Variants in CTNNA1 observed in about 807,000 individuals in gnomAD.
CTNNA1 encodes the protein catenin alpha 1, also known as catenin alpha-1.
Under a neutral mutation model 98.4 loss-of-function variants are expected in CTNNA1, and 37 were observed. That is an observed-to-expected ratio of 0.38 (90% CI 0.29 to 0.49). CTNNA1 has a LOEUF of 0.49. Ranked by LOEUF, CTNNA1 falls within the 20% of genes least tolerant of loss-of-function variation. CTNNA1 has a pLI of 0.95. For synonymous variants in CTNNA1, 404 were observed against 413.2 expected (o/e 0.98, Z 0.27); for missense variants, 761 against 1,147.2 (o/e 0.66, Z 4.86).
intron 10 of CTNNA1, among the ~76,000 whole-genome samples, chr5:138,912,067 T>C (rs1760756210): frequency 6.6e-6 from 1 of 152,024 alleles, no homozygotes; most frequent in Non-Finnish European, 1.5e-5. Context: ...AGGGCAGAGG[T>C]CTGAACAGGA....
At chr5:138,765,230 G>T (rs1752800145) in intron 1 of CTNNA1, among the ~76,000 whole-genome samples, 1 of 152,090 alleles carries the variant, frequency 6.6e-6, no homozygotes, top group Non-Finnish European at 1.5e-5. Context: ...TAGTAGAGAT[G>T]GGGTTTCACC....
chr5:138,909,953 G>A (rs114334575), intron 10 of CTNNA1, among the ~76,000 whole-genome samples: 27 of 152,314 alleles, frequency 1.8e-4, no homozygotes, highest in African/African-American at 6.0e-4. Flanking sequence ...GGGACCATCT[G>A]TCTTTGAATC....
rs541440785 is a variant in CTNNA1 at position 138,793,884 on chromosome 5, A to G, written c.301+10512A>G. 2.6e-4 allele frequency among the ~76,000 whole-genome samples: 39 copies of G among 152,218 alleles called. No individual in the cohort carries two copies. The South Asian group carries it at 7.3e-3, about 28-fold the overall frequency. On this transcript the variant is annotated intron_variant, in intron 3 of 17. Coordinates refer to ENST00000302763, the MANE Select transcript of CTNNA1 (RefSeq NM_001903.5). ...CTGTCAACTGGAAAAAGAAATTTCA[A>G]AGCTTCTTTCCTTACCCTCAGGGGA...
At chr5:138,783,113 C>A in intron 2 of CTNNA1, 64 bp from the exon 3 acceptor site, 1 of 1,287,360 alleles carries the variant, frequency 7.8e-7, no homozygotes, top group Non-Finnish European at 1.1e-6. Flanking sequence ...ATCTTGCTGT[C>A]TTTAAAGATA....
At position 138,836,881 on chromosome 5, in the gene CTNNA1, A is replaced by G. The variant is rs111500216; in HGVS notation, c.1062+9163A>G. 7.7e-4 allele frequency among the ~76,000 whole-genome samples: 117 copies of G among 152,244 alleles called. 1 individual carries two copies. The highest frequency in any genetic ancestry group is 2.6e-3 in the African/African-American group (110 of 41,556). ...GCTGGTGGGGCGATGGGCACTATAA[A>G]TTTTCTTTGATATTTTTTCCCACAT... is the stretch of plus-strand genomic sequence containing the variant. On this transcript the variant is annotated intron_variant, in intron 7 of 17. Transcript: ENST00000302763.
At chr5:138,776,602 C>T (rs1213428545) in intron 1 of CTNNA1, among the ~76,000 whole-genome samples, 2 of 152,160 alleles carry the variant, frequency 1.3e-5, no homozygotes, top group South Asian at 2.1e-4. Context: ...AGGGGTTCCT[C>T]ACTTCCCAGT....
intron 7 of CTNNA1, among the ~76,000 whole-genome samples, chr5:138,852,873 A>ACACACACACGCGCGCGCGCACC (rs1561595166): frequency 7.9e-6 from 1 of 126,232 alleles, no homozygotes; most frequent in Admixed American, 7.9e-5. Flanking sequence ...GCGCGCGCGC[A>ACACACACACGCGCGCGCGCACC]CACACACATT....
At chr5:138,760,393 A>G (rs1470099415) in intron 1 of CTNNA1, among the ~76,000 whole-genome samples, 1 of 145,824 alleles carries the variant, frequency 6.9e-6, no homozygotes, top group East Asian at 2.1e-4. Flanking sequence ...GAGGGGACAG[A>G]GTCTCTGTTG....
intron 1 of CTNNA1, among the ~76,000 whole-genome samples, chr5:138,770,660 CAG>C (rs1310827436): frequency 6.6e-6 from 1 of 152,148 alleles, no homozygotes; most frequent in African/African-American, 2.4e-5. Flanking sequence ...GTTGTCAAGA[CAG>C]AAAGACCTCG....
chr5:138,885,725 G>A (rs189945845), intron 7 of CTNNA1, among the ~76,000 whole-genome samples: 16 of 152,214 alleles, frequency 1.1e-4, no homozygotes, highest in African/African-American at 3.9e-4. Context: ...TATTAGCTCT[G>A]ACCTATCAGG....
intron 13 of CTNNA1, among the ~76,000 whole-genome samples, chr5:138,928,186 G>A (rs1764535525): frequency 6.6e-6 from 1 of 152,218 alleles, no homozygotes; most frequent in Non-Finnish European, 1.5e-5. Context: ...GCTGGGCTGA[G>A]CGCCAACCCC....
At chr5:138,815,771 T>G (rs1176877884) in intron 5 of CTNNA1, among the ~76,000 whole-genome samples, 1 of 152,118 alleles carries the variant, frequency 6.6e-6, no homozygotes, top group Non-Finnish European at 1.5e-5. Context: ...TAGTTTTCCT[T>G]GGGCCTAAGT....
At chr5:138,805,772 A>G (rs908128019) in intron 3 of CTNNA1, among the ~76,000 whole-genome samples, 4 of 151,610 alleles carry the variant, frequency 2.6e-5, no homozygotes, top group African/African-American at 9.7e-5. Flanking sequence ...ATTATTTAGT[A>G]TAAGAGTTCT....
chr5:138,854,916 T>G (rs1361597852), intron 7 of CTNNA1, among the ~76,000 whole-genome samples: 1 of 152,220 alleles, frequency 6.6e-6, no homozygotes, highest in African/African-American at 2.4e-5. Context: ...TGAGTACCCA[T>G]TATAACCATT....
chr5:138,927,791 T>C (rs1242404691), intron 13 of CTNNA1, among the ~76,000 whole-genome samples: 3 of 152,058 alleles, frequency 2.0e-5, no homozygotes, highest in African/African-American at 7.2e-5. Flanking sequence ...GGGTCTGCGA[T>C]GGGGTGCTGG....
chr5:138,894,429 A>T (rs986211454), intron 9 of CTNNA1, among the ~76,000 whole-genome samples: 1 of 150,634 alleles, frequency 6.6e-6, no homozygotes, highest in Admixed American at 6.6e-5. Flanking sequence ...CCACAGGTGC[A>T]CCACCATGCC....
rs1244907996 is a variant in CTNNA1, at chr5:138,873,309, T to C, written c.1063-12903T>C. 1.9e-6 allele frequency: 3 copies of C among 1,614,032 alleles called. No individual in the cohort carries two copies. The South Asian group carries it at 3.3e-5, about 18-fold the overall frequency. On this transcript the variant is annotated intron_variant, in intron 7 of 17. Transcript: ENST00000302763. This position sits in a 1 kb window ranked among gnomAD's most constrained non-coding sequence, Gnocchi z 6.1. The stretch of plus-strand genomic sequence containing the variant: ...CCCGTAATTACCCGCTGAGTGAAGA[T>C]GGCATTGTCTGGTTCAGGAAAGTGT...
chr5:138,857,450 C>G (rs1372738689), intron 7 of CTNNA1, among the ~76,000 whole-genome samples: 1 of 151,992 alleles, frequency 6.6e-6, no homozygotes, highest in East Asian at 1.9e-4. Flanking sequence ...GTACCAAGCT[C>G]AAAGCTCATT....
chr5:138,800,473 A>G (rs1225960756), intron 3 of CTNNA1, among the ~76,000 whole-genome samples: 1 of 152,142 alleles, frequency 6.6e-6, no homozygotes, highest in East Asian at 1.9e-4. Context: ...CTGCTGACCA[A>G]GAGAAGGGTT....
Sources: allele counts gnomAD v4.1 joint callset (sites outside exome capture counted in the v4.1 genomes callset), GRCh38; gene constraint gnomAD v4.1.1; non-coding constraint Gnocchi (gnomAD v3.1); transcripts MANE v1.5; gene names NCBI Gene and HGNC (gene_info 2026-07-23, HGNC 2026-07-21).